MGAT4C: variants seen among roughly 807,000 people sequenced by gnomAD.
The protein encoded by MGAT4C is alpha-1,3-mannosyl-glycoprotein 4-beta-N-acetylglucosaminyltransferase C.
A neutral mutation model predicts 40.1 loss-of-function variants in MGAT4C; 19 were observed. The observed-to-expected ratio is 0.47, with a 90% CI of 0.33 to 0.70. MGAT4C has a LOEUF of 0.70. MGAT4C is among the 30% of genes least tolerant of loss of function. The pLI, the probability that MGAT4C is intolerant of heterozygous loss-of-function variation, is 0.02. For missense variants in MGAT4C, 491 were observed against 563.2 expected, an observed-to-expected ratio of 0.87 and a Z score of 1.30; for synonymous variants, 181 against 187.1, an observed-to-expected ratio of 0.97 and a Z score of 0.27.
At chr12:86,495,459 T>A (rs752405891) in intron 2 of MGAT4C, 2 of 152,062 alleles carry the variant, frequency 1.3e-5, no homozygotes, top group Non-Finnish European at 2.9e-5. Context: ...ATTTTCCACA[T>A]CTATAGTGCA....
In MGAT4C at chr12:86,712,286, A is replaced by C. The variant is rs187594635; in HGVS notation, c.-229+14923T>G. 1.7e-3 allele frequency among the ~76,000 whole-genome samples: 265 copies of C among 152,182 alleles called. 1 individual carries two copies. Among genetic ancestry groups the C allele is most frequent in the African/African-American group, 6.1e-3 (254 of 41,558 alleles). The stretch of plus-strand genomic sequence containing the variant: ...TGCAACAATAAAATACAACATTCCA[A>C]CTCAAAAAAATATATAAAAGGATGG... On this transcript the variant is annotated intron_variant, in intron 2 of 7. Coordinates refer to the MGAT4C transcript ENST00000548651.
chr12:86,362,261 C>T (rs1955492906), intron 3 of MGAT4C, among the ~76,000 whole-genome samples: 1 of 152,140 alleles, frequency 6.6e-6, no homozygotes, highest in Non-Finnish European at 1.5e-5. Context: ...ACTGCATGTT[C>T]TCACTCATAG....
At chr12:86,488,531 T>C (rs1298095620) in intron 2 of MGAT4C, among the ~76,000 whole-genome samples, 1 of 152,134 alleles carries the variant, frequency 6.6e-6, no homozygotes, top group Non-Finnish European at 1.5e-5. Context: ...TCTTGAACTA[T>C]CCAGTGAGTA....
intron 1 of MGAT4C, among the ~76,000 whole-genome samples, chr12:86,164,728 C>T (rs1227465101): frequency 6.6e-6 from 1 of 151,922 alleles, no homozygotes; most frequent in Non-Finnish European, 1.5e-5. Context: ...AGCACGGTAC[C>T]CTTGGGGATT....
intron 1 of MGAT4C, among the ~76,000 whole-genome samples, chr12:86,062,104 C>T (rs1019505521): frequency 6.6e-6 from 1 of 152,154 alleles, no homozygotes; most frequent in Non-Finnish European, 1.5e-5. Context: ...TAGGGGCCAA[C>T]AGACACCTCA....
chr12:86,149,933 A>C (rs957115477), intron 1 of MGAT4C, among the ~76,000 whole-genome samples: 1 of 152,206 alleles, frequency 6.6e-6, no homozygotes, highest in Non-Finnish European at 1.5e-5. Context: ...ATCCTAGTTT[A>C]CTATTAGATA....
At chr12:86,134,398 C>T (rs979896568) in intron 1 of MGAT4C, among the ~76,000 whole-genome samples, 1 of 151,950 alleles carries the variant, frequency 6.6e-6, no homozygotes, top group Non-Finnish European at 1.5e-5. Context: ...CCACCCCAAA[C>T]CCATTATAAA....
chr12:85,980,389 C>CT lies in MGAT4C; in HGVS notation c.336dup (p.Gly113ArgfsTer6). On this transcript the variant is annotated frameshift_variant, in exon 5 of 5. Coordinates refer to ENST00000611864, the MANE Select transcript of MGAT4C (RefSeq NM_001351288.2). LOFTEE classifies it high-confidence loss of function. ...TTAATTGTCTCAAGTAAATAGTTTC[C>CT]TTTTTTTCGCTTTACTGAAGAAAGT... The CT allele has an allele frequency of 6.2e-7, 1 of 1,606,962 alleles. No individual in the cohort carries two copies. Among genetic ancestry groups the CT allele is most frequent in the Non-Finnish European group, 8.5e-7 (1 of 1,177,018 alleles).
chr12:86,346,638 T>C (rs1955039639), intron 3 of MGAT4C, among the ~76,000 whole-genome samples: 1 of 152,188 alleles, frequency 6.6e-6, no homozygotes, highest in South Asian at 2.1e-4. Flanking sequence ...AATTCTCACA[T>C]TGGAGGATAA....
intron 4 of MGAT4C, among the ~76,000 whole-genome samples, chr12:86,299,231 T>C (rs939764485): frequency 6.6e-6 from 1 of 152,296 alleles, no homozygotes; most frequent in Non-Finnish European, 1.5e-5. Flanking sequence ...ATTCTCCTGC[T>C]TCAGCCTCCT....
At chr12:86,625,704 T>C (rs1358678472) in intron 2 of MGAT4C, among the ~76,000 whole-genome samples, 1 of 152,142 alleles carries the variant, frequency 6.6e-6, no homozygotes, top group Non-Finnish European at 1.5e-5. Flanking sequence ...TATAGTAAGT[T>C]AATATGTATT....
chr12:86,501,212 T>C lies in MGAT4C; in HGVS notation c.-228-65947A>G, dbSNP rs575865087. On this transcript the variant is annotated intron_variant, in intron 2 of 7. Transcript: ENST00000548651. ...TCTGAGTTGATAGTATGGGAAAAAA[T>C]ATATTAAAAAGAGAAGAAGAGAAAT... Among the ~76,000 whole-genome samples the C allele has an allele frequency of 3.3e-5, 5 of 151,876 alleles. No individual in the cohort carries two copies. The East Asian group carries it at 9.7e-4, about 29-fold the overall frequency.
intron 2 of MGAT4C, among the ~76,000 whole-genome samples, chr12:86,522,749 C>T (rs1188872006): frequency 6.6e-6 from 1 of 152,006 alleles, no homozygotes; most frequent in Non-Finnish European, 1.5e-5. Flanking sequence ...GGTTGGTATG[C>T]TATTTTTTAC....
At chr12:86,808,019 T>C (rs1044810979) in intron 1 of MGAT4C, among the ~76,000 whole-genome samples, 1 of 152,104 alleles carries the variant, frequency 6.6e-6, no homozygotes, top group African/African-American at 2.4e-5. Context: ...TTCTGGATAT[T>C]AGACCTTTTC....
At chr12:86,464,406 A>C (rs1957647619) in intron 2 of MGAT4C, among the ~76,000 whole-genome samples, 1 of 152,176 alleles carries the variant, frequency 6.6e-6, no homozygotes, top group African/African-American at 2.4e-5. Context: ...ATTTTATATC[A>C]AAATCACTGG....
rs1953019198 is a variant in MGAT4C at position 86,274,367 on chromosome 12, C to T, written c.-57+59698G>A. The stretch of plus-strand genomic sequence containing the variant: ...ACTCTAGTCTTTAAAAAGTGGATAT[C>T]ATCTAAATAATTATTTAACTATATA... On this transcript the variant is annotated intron_variant, in intron 4 of 7. Coordinates refer to the MGAT4C transcript ENST00000548651. Among the ~76,000 whole-genome samples, 3 of 151,968 alleles carry T rather than the reference C, an allele frequency of 2.0e-5. No individual in the cohort carries two copies. The South Asian group carries it at 6.2e-4, about 31-fold the overall frequency.
At chr12:86,523,644 T>C (rs577866268) in intron 2 of MGAT4C, among the ~76,000 whole-genome samples, 3 of 152,142 alleles carry the variant, frequency 2.0e-5, no homozygotes, top group Admixed American at 6.6e-5. Flanking sequence ...TGAATATCTT[T>C]GTTAATTTTT....
intron 1 of MGAT4C, among the ~76,000 whole-genome samples, chr12:86,733,588 A>G (rs1162021588): frequency 3.9e-5 from 6 of 152,130 alleles, no homozygotes; most frequent in African/African-American, 1.4e-4. Context: ...ACAGATGCCA[A>G]TGTGGTGGGT....
At position 86,376,148 on chromosome 12, in the gene MGAT4C, G is replaced by T. The variant is rs188762407; in HGVS notation, c.-119-42021C>A. On this transcript the variant is annotated intron_variant, in intron 3 of 7. Coordinates refer to the MGAT4C transcript ENST00000548651. ...TGCCTATAATCCCAGCAGTCTGGGA[G>T]GCCAAGGAGGGCAGATGGCTTGAGT... Among the ~76,000 whole-genome samples, 137 of 151,434 alleles carry T rather than the reference G, an allele frequency of 9.0e-4. 1 individual carries two copies. Among genetic ancestry groups the T allele is most frequent in the African/African-American group, 3.0e-3 (124 of 41,334 alleles).
Sources: gnomAD v4.1 joint callset for allele counts (sites outside exome capture counted in the v4.1 genomes callset) on GRCh38, gnomAD v4.1.1 for gene constraint, MANE v1.5 for transcripts, NCBI Gene and HGNC (gene_info 2026-07-23, HGNC 2026-07-21) for gene names.